Variants in PIK3R5 observed in about 807,000 individuals in gnomAD.
PIK3R5 encodes phosphoinositide 3-kinase regulatory subunit 5.
A neutral mutation model predicts 94.9 loss-of-function variants in PIK3R5; 32 were observed. The ratio of observed to expected loss-of-function variants is 0.34; its 90% CI spans 0.25 to 0.45. PIK3R5 has a LOEUF of 0.45. PIK3R5 is among the 20% of genes least tolerant of loss of function. The pLI, the probability that PIK3R5 is intolerant of heterozygous loss-of-function variation, is 1.00. For synonymous variants in PIK3R5, 443 were observed against 479.4 expected, an observed-to-expected ratio of 0.92 and a Z score of 0.99; for missense variants, 853 against 1,144.6, an observed-to-expected ratio of 0.75 and a Z score of 3.68.
chr17:8,886,989 G>T, intron 12 of PIK3R5, 107 bp downstream of exon 12: 1 of 1,313,638 alleles, frequency 7.6e-7, no homozygotes, highest in Non-Finnish European at 1.1e-6. Context: ...GAGGGCCCAG[G>T]TCCTCCATGG....
At chr17:8,943,869 C>T (rs749083545) in intron 1 of PIK3R5, among the ~76,000 whole-genome samples, 1 of 146,568 alleles carries the variant, frequency 6.8e-6, no homozygotes, top group African/African-American at 2.5e-5. Context: ...TCTGCTGTAC[C>T]CTAGGGAATA....
intron 1 of PIK3R5, among the ~76,000 whole-genome samples, chr17:8,932,454 C>T (rs1300144058): frequency 1.2e-4 from 18 of 152,098 alleles, no homozygotes; most frequent in African/African-American, 3.9e-4. Flanking sequence ...AGGCTGGTCT[C>T]GAACTCCTGA....
Position 8,896,940 on chromosome 17 carries a change from T to G in PIK3R5, c.413-3285A>C, listed in dbSNP as rs2090164252. ...CCAAATGAGACTAGATCAGGTTTGG[T>G]TCTCCAGCAACTATGATTAATATCA... is the stretch of plus-strand genomic sequence containing the variant. On this transcript the variant is annotated intron_variant, in intron 5 of 18. Coordinates refer to ENST00000447110, the MANE Select transcript of PIK3R5 (RefSeq NM_001142633.3). The surrounding 1 kb of genome is among the most constrained non-coding windows in gnomAD (Gnocchi z 4.0). 6.6e-6 allele frequency among the ~76,000 whole-genome samples: 1 copy of G among 152,156 alleles called. No homozygotes were observed. Among genetic ancestry groups the G allele is most frequent in the Admixed American group, 6.5e-5 (1 of 15,278 alleles).
intron 5 of PIK3R5, among the ~76,000 whole-genome samples, chr17:8,894,606 C>T (rs1428338199): frequency 6.6e-6 from 1 of 152,206 alleles, no homozygotes; most frequent in Admixed American, 6.5e-5. Flanking sequence ...CAAAGGTTTT[C>T]CTTTTGTTTC....
At chr17:8,915,049 C>T (rs561271065) in intron 1 of PIK3R5, among the ~76,000 whole-genome samples, 19 of 152,348 alleles carry the variant, frequency 1.2e-4, no homozygotes, top group African/African-American at 4.6e-4. Flanking sequence ...CACTAGAATA[C>T]ATTGCCCCTC....
chr17:8,936,053 CAA>C (rs746258155), intron 1 of PIK3R5, among the ~76,000 whole-genome samples: 24 of 63,926 alleles, frequency 3.8e-4, no homozygotes, highest in Admixed American at 5.6e-4. Flanking sequence ...GACTCCATCT[CAA>C]AAAAAAAAAA....
intron 1 of PIK3R5, among the ~76,000 whole-genome samples, chr17:8,919,768 A>C (rs1386299700): frequency 6.6e-6 from 1 of 152,146 alleles, no homozygotes; most frequent in Non-Finnish European, 1.5e-5. Context: ...AATGTGTGGA[A>C]ACATTCCCAG....
chr17:8,909,023 C>T lies in PIK3R5; in HGVS notation c.204+51G>A, dbSNP rs1332864005. On this transcript the variant is annotated intron_variant, in intron 3 of 18. Transcript: ENST00000447110. The surrounding 1 kb of genome is among the most constrained non-coding windows in gnomAD (Gnocchi z 4.3). ...ATGTTCTCTGGGACCTATTTCTCCA[C>T]TCTACGAGGCCGACCCCAGATCTGC... The T allele has an allele frequency of 1.7e-6, 2 of 1,157,088 alleles. No individual in the cohort carries two copies. Among genetic ancestry groups the T allele is most frequent in the Admixed American group, 3.8e-5 (2 of 51,996 alleles). The allele number at this position is 1,157,088 out of a possible 1,614,324, so 71.7% of individuals were successfully genotyped here. A position where few individuals can be genotyped will look rare whatever the true frequency, so the allele number is the denominator to read the frequency against.
In PIK3R5 at chr17:8,881,809, A is replaced by C; in HGVS notation, c.2278T>G (p.Cys760Gly). The change falls in exon 16 of 19, where the codon TGC becomes GGC. Residue 760 changes from cysteine (C) to glycine (G), a missense_variant. Transcript: ENST00000447110. The surrounding 1 kb of genome is among the most constrained non-coding windows in gnomAD (Gnocchi z 4.8). ...VCTSVNLNKA[C>G]RKQEELDSSM... ...TCACCCAGCTCCTCCTGCTTCCGGCAGGCCTTGTTGAGGTTCACGGAGGTA... is the reference window on the plus strand; with the variant it reads ...TCACCCAGCTCCTCCTGCTTCCGGCCGGCCTTGTTGAGGTTCACGGAGGTA... The C allele has an allele frequency of 1.9e-6, 3 of 1,614,132 alleles. No individual in the cohort carries two copies. Among genetic ancestry groups the C allele is most frequent in the Non-Finnish European group, 2.5e-6 (3 of 1,179,994 alleles).
chr17:8,905,554 T>C lies in PIK3R5; in HGVS notation c.273+115A>G, dbSNP rs2090375847. 1.3e-5 allele frequency: 9 copies of C among 670,754 alleles called. 1 individual carries two copies. In the South Asian group the frequency reaches 1.9e-4, roughly 14 times the overall value. The allele number at this position is 670,754 out of a possible 1,614,324, so 41.6% of individuals were successfully genotyped here. ...GGTTGAAACCCATTTCACATGCCGCTGCTTGACAGTTTCTCTCTCTGCTTA... is the reference window on the plus strand; with the variant it reads ...GGTTGAAACCCATTTCACATGCCGCCGCTTGACAGTTTCTCTCTCTGCTTA... On this transcript the variant is annotated intron_variant, in intron 4 of 18. Coordinates refer to ENST00000447110, the MANE Select transcript of PIK3R5 (RefSeq NM_001142633.3).
Position 8,890,948 on chromosome 17 carries a change from G to T in PIK3R5, c.483-36C>A, listed in dbSNP as rs2090009471. On this transcript the variant is annotated intron_variant, in intron 6 of 18. Coordinates refer to ENST00000447110, the MANE Select transcript of PIK3R5 (RefSeq NM_001142633.3). The surrounding 1 kb of genome is among the most constrained non-coding windows in gnomAD (Gnocchi z 6.1). Reference sequence around the variant, plus strand: ...AGGGGACCGGCTATGGCACCCAGGGGTGCGCAGCATGCCACAGTGCAGCCA... The same window carrying T: ...AGGGGACCGGCTATGGCACCCAGGGTTGCGCAGCATGCCACAGTGCAGCCA... The T allele has an allele frequency of 2.5e-6, 4 of 1,600,362 alleles. No individual in the cohort carries two copies. The South Asian group carries it at 4.5e-5, about 18-fold the overall frequency.
In PIK3R5 at chr17:8,886,502, A is replaced by G; in HGVS notation, c.2009T>C (p.Val670Ala). The G allele has an allele frequency of 6.2e-7, 1 of 1,609,546 alleles. No individual in the cohort carries two copies. The highest frequency in any genetic ancestry group is 8.5e-7 in the Non-Finnish European group (1 of 1,177,694). ...LYYCRFAARP[V>A]LLQVYQTELT... ...CTCGGTCTGATAGACTTGCAGCAGC[A>G]CCGGTCTGGCGGCAAAGCGGCAGTA... The change falls in exon 13 of 19, where the codon GTG becomes GCG. Residue 670 changes from valine to alanine, a missense_variant. By Grantham distance (64) the Val-to-Ala change is moderately conservative. Around this residue, in one of 6 missense-constraint regions of PIK3R5, gnomAD observed 173 missense variants for 274.1 expected, o/e 0.63. Coordinates refer to ENST00000447110, the MANE Select transcript of PIK3R5 (RefSeq NM_001142633.3).
chr17:8,950,908 T>C (rs2091364618), intron 1 of PIK3R5, among the ~76,000 whole-genome samples: 1 of 152,186 alleles, frequency 6.6e-6, no homozygotes, highest in Admixed American at 6.5e-5. Flanking sequence ...TAATTTACGC[T>C]CCCACCAACA....
Position 8,945,122 on chromosome 17 carries a change from T to C in PIK3R5, c.-14+20474A>G, listed in dbSNP as rs912399609. Among the ~76,000 whole-genome samples, 2 of 152,176 alleles carry C rather than the reference T, an allele frequency of 1.3e-5. No homozygotes were observed. The highest frequency in any genetic ancestry group is 4.8e-5 in the African/African-American group (2 of 41,426). On this transcript the variant is annotated intron_variant, in intron 1 of 18. Transcript: ENST00000447110. The surrounding 1 kb of genome is among the most constrained non-coding windows in gnomAD (Gnocchi z 4.0). Reference sequence around the variant, plus strand: ...CATTGTTTCAGCTGTGGCAGGCTTCTAGCCAAACCCTGGCTCGGCCCCTCA... The same window carrying C: ...CATTGTTTCAGCTGTGGCAGGCTTCCAGCCAAACCCTGGCTCGGCCCCTCA...
chr17:8,965,075 A>C (rs188673696), intron 1 of PIK3R5, among the ~76,000 whole-genome samples: 1 of 152,232 alleles, frequency 6.6e-6, no homozygotes, highest in African/African-American at 2.4e-5. Context: ...ATCCTCTGAG[A>C]GCAGAAAGCG....
chr17:8,907,682 C>T (rs1391211794), intron 3 of PIK3R5, among the ~76,000 whole-genome samples: 1 of 151,684 alleles, frequency 6.6e-6, no homozygotes, highest in Non-Finnish European at 1.5e-5. Flanking sequence ...CTCTGTCGCA[C>T]AGGCTGGAGT....
chr17:8,887,511 G>T lies in PIK3R5; in HGVS notation c.1779+10C>A. 6.3e-7 allele frequency: 1 copy of T among 1,599,986 alleles called. No individual in the cohort carries two copies. The highest frequency in any genetic ancestry group is 2.3e-5 in the East Asian group (1 of 44,380). ...CTTTCCCCGACCATTGGCCCAGGCTGGGGACATACTCCAGGGCTGGCGTGC... is the reference window on the plus strand; with the variant it reads ...CTTTCCCCGACCATTGGCCCAGGCTTGGGACATACTCCAGGGCTGGCGTGC... On this transcript the variant is annotated intron_variant, in intron 11 of 18. Coordinates refer to ENST00000447110, the MANE Select transcript of PIK3R5 (RefSeq NM_001142633.3).
At chr17:8,923,450 T>C (rs954902185) in intron 1 of PIK3R5, among the ~76,000 whole-genome samples, 3 of 152,198 alleles carry the variant, frequency 2.0e-5, no homozygotes, top group African/African-American at 7.2e-5. Flanking sequence ...ATTTTACAGA[T>C]GAGGAGACTG....
chr17:8,955,195 C>T lies in PIK3R5; in HGVS notation c.-14+10401G>A, dbSNP rs555457359. Among the ~76,000 whole-genome samples the T allele has an allele frequency of 6.6e-6, 1 of 152,294 alleles. No homozygotes were observed. The highest frequency in any genetic ancestry group is 1.9e-4 in the East Asian group (1 of 5,188). On this transcript the variant is annotated intron_variant, in intron 1 of 18. Transcript: ENST00000447110. The surrounding 1 kb of genome is among the most constrained non-coding windows in gnomAD (Gnocchi z 4.4). ...CTCAGATGGGGAGCAGCCCAGCCTG[C>T]CCGATCATCAGTCATCCAAGGCTGA...
Sources: allele counts gnomAD v4.1 joint callset (sites outside exome capture counted in the v4.1 genomes callset), GRCh38; gene constraint gnomAD v4.1.1; regional missense constraint gnomAD v4.1.1; non-coding constraint Gnocchi (gnomAD v3.1); transcripts MANE v1.5; gene names NCBI Gene and HGNC (gene_info 2026-07-23, HGNC 2026-07-21).